Variants in NUP210L observed in about 807,000 individuals in gnomAD.
The protein encoded by NUP210L is nucleoporin 210 like, also known as nuclear pore membrane glycoprotein 210-like.
Under a neutral mutation model 208.5 loss-of-function variants are expected in NUP210L, and 74 were observed. The observed-to-expected ratio is 0.35, with a 90% CI of 0.29 to 0.43. NUP210L has a LOEUF of 0.43. Among genes scored for constraint, NUP210L ranks in the 20% least tolerant of loss-of-function variants. NUP210L has a pLI of 1.00. For missense variants in NUP210L, 1,843 were observed against 2,289.4 expected (o/e 0.81, Z 3.98); for synonymous variants, 780 against 816.9 (o/e 0.95, Z 0.77).
chr1:154,101,482 A>C (rs1229609021), intron 13 of NUP210L, among the ~76,000 whole-genome samples: 1 of 152,180 alleles, frequency 6.6e-6, no homozygotes, highest in African/African-American at 2.4e-5. Flanking sequence ...AAAACAAACA[A>C]ACAAACAAAC....
chr1:154,139,683 CAAACAAAAA>C, intron 5 of NUP210L, 110 bp downstream of exon 5: 1 of 761,322 alleles, frequency 1.3e-6, no homozygotes, highest in Non-Finnish European at 2.1e-6. Context: ...AACAAACAAA[CAAACAAAAA>C]AAAAAAAAAA....
intron 17 of NUP210L, among the ~76,000 whole-genome samples, chr1:154,069,772 T>C (rs537069634): frequency 2.8e-4 from 43 of 152,294 alleles, no homozygotes; most frequent in Admixed American, 2.2e-3. Context: ...TGCAGCACTA[T>C]TCACAATAGC....
intron 8 of NUP210L, 134 bp downstream of exon 8, chr1:154,129,143 A>G: frequency 8.7e-6 from 5 of 571,776 alleles, no homozygotes; most frequent in Non-Finnish European, 1.6e-5. Flanking sequence ...TTGATAAAAC[A>G]TGTCAAAGTA....
intron 14 of NUP210L, among the ~76,000 whole-genome samples, chr1:154,098,195 CT>C (rs1456692567): frequency 6.6e-6 from 1 of 152,194 alleles, no homozygotes; most frequent in Non-Finnish European, 1.5e-5. Flanking sequence ...CACGCTGCCA[CT>C]GGGGAACACA....
chr1:154,126,254 G>T, intron 10 of NUP210L, 69 bp downstream of exon 10: 2 of 1,384,298 alleles, frequency 1.4e-6, no homozygotes, highest in Non-Finnish European at 2.0e-6. Flanking sequence ...ATATCTGCTT[G>T]CAAATCAACA....
chr1:153,994,090 G>A (rs1649671575), intron 38 of NUP210L, among the ~76,000 whole-genome samples: 1 of 152,064 alleles, frequency 6.6e-6, no homozygotes, highest in Non-Finnish European at 1.5e-5. Flanking sequence ...GTGTTGCCCA[G>A]GCTGGTCTTA....
At chr1:154,115,479 C>G (rs1571290805) in intron 12 of NUP210L, among the ~76,000 whole-genome samples, 2 of 152,292 alleles carry the variant, frequency 1.3e-5, no homozygotes, top group Non-Finnish European at 2.9e-5. Flanking sequence ...TTGGGCCTTA[C>G]TTTTATTCCA....
intron 27 of NUP210L, among the ~76,000 whole-genome samples, chr1:154,032,511 G>C (rs80081464): frequency 1.3e-5 from 2 of 150,304 alleles, no homozygotes; most frequent in South Asian, 2.1e-4. Flanking sequence ...TTTTTTTTTG[G>C]TAGGGGTGGA....
At position 154,009,963 on chromosome 1, in the gene NUP210L, G is replaced by T. The variant is rs781773795; in HGVS notation, c.4930+9C>A. On this transcript the variant is annotated intron_variant, in intron 35 of 39. Coordinates refer to ENST00000368559, the Ensembl canonical transcript of NUP210L. ...AATGGGGAAACCAGATTCAACTGGTGTAACTTACCTTTCTCCATACTGAAA... is the reference window on the plus strand; with the variant it reads ...AATGGGGAAACCAGATTCAACTGGTTTAACTTACCTTTCTCCATACTGAAA... The T allele has an allele frequency of 6.2e-7, 1 of 1,601,626 alleles. No individual in the cohort carries two copies. Among genetic ancestry groups the T allele is most frequent in the African/African-American group, 1.3e-5 (1 of 74,650 alleles).
rs747835495 is a variant in NUP210L at position 153,996,848 on chromosome 1, C to CTTT, written c.5387-1671_5387-1669dup. Among the ~76,000 whole-genome samples, 146 of 103,682 alleles carry CTTT rather than the reference C, an allele frequency of 1.4e-3. 2 individuals are homozygous for CTTT. Among genetic ancestry groups the CTTT allele is most frequent in the Non-Finnish European group, 1.9e-3 (97 of 51,044 alleles). 68.0% of individuals were successfully genotyped at this position (103,682 alleles called of 152,430 possible). A position where few individuals can be genotyped will look rare whatever the true frequency, so the allele number is the denominator to read the frequency against. On this transcript the variant is annotated intron_variant, in intron 37 of 39. Transcript: ENST00000368559. The stretch of plus-strand genomic sequence containing the variant: ...ATCCTCAATAAAACTGTAGACTTGC[C>CTTT]TTTTTTTTTTTTTTTTTTTTTGAGA...
intron 29 of NUP210L, 135 bp downstream of exon 29, chr1:154,027,371 T>C: frequency 3.2e-6 from 2 of 617,358 alleles, no homozygotes; most frequent in Non-Finnish European, 5.7e-6. Flanking sequence ...TTTTACATTA[T>C]GGGAATTTCA....
chr1:154,127,901 T>C (rs1488728738), intron 8 of NUP210L, among the ~76,000 whole-genome samples: 3 of 151,920 alleles, frequency 2.0e-5, no homozygotes, highest in Admixed American at 2.0e-4. Flanking sequence ...GGTCTCACTG[T>C]CACAGATGCT....
intron 10 of NUP210L, among the ~76,000 whole-genome samples, chr1:154,125,644 A>C (rs1435510658): frequency 1.0e-3 from 1 of 958 alleles, no homozygotes; most frequent in Non-Finnish European, 4.7e-3. Context: ...GAAGGAAGGA[A>C]GGAAGGAAGG....
rs375907073 is a variant in NUP210L at position 154,140,350 on chromosome 1, C to CAA, written c.567-400_567-399dup. Among the ~76,000 whole-genome samples, 326 of 71,552 alleles carry CAA rather than the reference C, an allele frequency of 4.6e-3. 3 individuals carry two copies. The highest frequency in any genetic ancestry group is 0.016 in the African/African-American group (286 of 17,680). 46.9% of individuals were successfully genotyped at this position (71,552 alleles called of 152,430 possible). On this transcript the variant is annotated intron_variant, in intron 4 of 39. Coordinates refer to ENST00000368559, the Ensembl canonical transcript of NUP210L. The stretch of plus-strand genomic sequence containing the variant: ...TGGGTGACAGAGCAAGACTCCGTCT[C>CAA]AAAAAAAAAAAAAAAAGAAAAAGAA...
chr1:154,019,199 G>T, intron 32 of NUP210L, 130 bp from the exon 33 acceptor site: 1 of 812,080 alleles, frequency 1.2e-6, no homozygotes, highest in South Asian at 2.0e-5. Context: ...AGCCAGCTTT[G>T]AAGATAACTG....
intron 10 of NUP210L, among the ~76,000 whole-genome samples, chr1:154,123,332 G>A (rs1657712006): frequency 6.6e-6 from 1 of 151,958 alleles, no homozygotes; most frequent in Non-Finnish European, 1.5e-5. Context: ...TTTTAGTAGA[G>A]ATGGAGTTTC....
At chr1:154,088,230 T>C (rs962738647) in intron 16 of NUP210L, among the ~76,000 whole-genome samples, 2 of 150,922 alleles carry the variant, frequency 1.3e-5, no homozygotes, top group Non-Finnish European at 2.9e-5. Flanking sequence ...CCCAGCTAAC[T>C]GGGGGGTTGA....
intron 17 of NUP210L, among the ~76,000 whole-genome samples, chr1:154,064,594 T>TA (rs911872472): frequency 6.6e-6 from 1 of 152,196 alleles, no homozygotes; most frequent in Admixed American, 6.5e-5. Context: ...AACACAGTTG[T>TA]AATGTTTAAA....
In NUP210L at chr1:154,054,896, G is replaced by T. The variant is rs558535359; in HGVS notation, c.3241-64C>A. 150 of 1,199,428 alleles carry T rather than the reference G, an allele frequency of 1.3e-4. No homozygotes were observed. In the African/African-American group the frequency reaches 1.9e-3, roughly 15 times the overall value. 74.3% of individuals were successfully genotyped at this position (1,199,428 alleles called of 1,614,324 possible). On this transcript the variant is annotated intron_variant, in intron 23 of 39. Transcript: ENST00000368559. ...AGAGTCAATTTTATAACATATCATG[G>T]TCATTTAAATTTTTTTTTTTTTTAG...
Sources: allele counts gnomAD v4.1 joint callset (sites outside exome capture counted in the v4.1 genomes callset), GRCh38; gene constraint gnomAD v4.1.1; transcripts MANE v1.5; gene names NCBI Gene and HGNC (gene_info 2026-07-23, HGNC 2026-07-21).